The following SWAP70 variants were observed in gnomAD, a reference collection of about 807,000 sequenced individuals.
The protein encoded by SWAP70 is switching B cell complex subunit SWAP70, also known as switch-associated protein 70.
A neutral mutation model predicts 80.2 loss-of-function variants in SWAP70; 34 were observed. That is an observed-to-expected ratio of 0.42 (90% CI 0.32 to 0.56). SWAP70 has a LOEUF of 0.56. Among genes scored for constraint, SWAP70 ranks in the 20% least tolerant of loss-of-function variants. The probability of loss-of-function intolerance (pLI) is 0.09; values close to 1 mark genes in which losing one functional copy is unlikely to be tolerated. For missense variants in SWAP70, 578 were observed against 690.7 expected (o/e 0.84, Z 1.83); for synonymous variants, 239 against 238.5 (o/e 1.00, Z -0.02).
chr11:9,702,859 T>C (rs1850850764), intron 2 of SWAP70, among the ~76,000 whole-genome samples: 1 of 152,222 alleles, frequency 6.6e-6, no homozygotes, highest in Admixed American at 6.5e-5. Flanking sequence ...GACTTTATAC[T>C]GATGAATACT....
At chr11:9,701,509 G>A (rs764408720) in intron 2 of SWAP70, among the ~76,000 whole-genome samples, 1 of 151,482 alleles carries the variant, frequency 6.6e-6, no homozygotes, top group African/African-American at 2.4e-5. Context: ...TTGGCTGGGC[G>A]TGTTAGGTTA....
intron 9 of SWAP70, chr11:9,740,587 A>C: frequency 1.9e-6 from 1 of 518,732 alleles, no homozygotes; most frequent in South Asian, 2.0e-5. Context: ...ATTTTAGAGC[A>C]GTCTGGTAGG....
chr11:9,740,402 G>A, intron 9 of SWAP70, 55 bp downstream of exon 9: 2 of 1,566,568 alleles, frequency 1.3e-6, no homozygotes, highest in Non-Finnish European at 8.8e-7. Flanking sequence ...GGCTAATACA[G>A]TTTCTTGGAA....
intron 3 of SWAP70, among the ~76,000 whole-genome samples, chr11:9,714,807 ATTTTTTT>A (rs71034737): frequency 0.071 from 9,023 of 127,712 alleles, 462 homozygotes; most frequent in East Asian, 0.18. Context: ...CCAAAAGGGG[ATTTTTTT>A]TTTTTTTTTT....
rs191860870 is a variant in SWAP70, at chr11:9,707,904, A to G, written c.241-5562A>G. Reference sequence around the variant, plus strand: ...AAAAAAAATTTTTTTAAACTTTAATAGTTTTGGGGGAACAGGTGGTTTTTT... The same window carrying G: ...AAAAAAAATTTTTTTAAACTTTAATGGTTTTGGGGGAACAGGTGGTTTTTT... On this transcript the variant is annotated intron_variant, in intron 2 of 11. Transcript: ENST00000318950. Among the ~76,000 whole-genome samples the G allele has an allele frequency of 1.2e-4, 18 of 152,246 alleles. No individual in the cohort carries two copies. The East Asian group carries it at 3.5e-3, about 29-fold the overall frequency.
At chr11:9,712,027 T>A (rs965618882) in intron 2 of SWAP70, among the ~76,000 whole-genome samples, 1 of 152,162 alleles carries the variant, frequency 6.6e-6, no homozygotes, top group Non-Finnish European at 1.5e-5. Flanking sequence ...ATTCTTGATC[T>A]GTTTGACTCT....
chr11:9,743,802 A>G lies in SWAP70; in HGVS notation c.1355+3455A>G, dbSNP rs534128559. 1.4e-4 allele frequency among the ~76,000 whole-genome samples: 21 copies of G among 152,256 alleles called. No individual in the cohort carries two copies. The South Asian group carries it at 1.7e-3, about 12-fold the overall frequency. On this transcript the variant is annotated intron_variant, in intron 9 of 11. Coordinates refer to ENST00000318950, the MANE Select transcript of SWAP70 (RefSeq NM_015055.4). ...CACTCCTTTCTTAAAGCAACAGCCG[A>G]TCATTCGTGGAATATTTGGAATCTC...
In SWAP70 at chr11:9,729,324, A is replaced by G. The variant is rs767484746; in HGVS notation, c.790-19A>G. The G allele has an allele frequency of 6.5e-7, 1 of 1,527,610 alleles. No homozygotes were observed. 94.6% of individuals were successfully genotyped at this position (1,527,610 alleles called of 1,614,324 possible). Reference sequence around the variant, plus strand: ...AAATACTTAAAATTTTGAGGAACTAATTTTGCTTTCTGTTTTAGTCCTTGC... The same window carrying G: ...AAATACTTAAAATTTTGAGGAACTAGTTTTGCTTTCTGTTTTAGTCCTTGC... On this transcript the variant is annotated intron_variant, in intron 5 of 11. Coordinates refer to ENST00000318950, the MANE Select transcript of SWAP70 (RefSeq NM_015055.4).
chr11:9,701,990 G>A (rs1030545513), intron 2 of SWAP70, among the ~76,000 whole-genome samples: 71 of 152,164 alleles, frequency 4.7e-4, no homozygotes, highest in Admixed American at 3.0e-3. Flanking sequence ...TTCCAATTGG[G>A]GAATCTGGTG....
intron 1 of SWAP70, among the ~76,000 whole-genome samples, chr11:9,679,603 C>T (rs1290658675): frequency 2.0e-5 from 3 of 152,174 alleles, no homozygotes; most frequent in Non-Finnish European, 4.4e-5. Context: ...CATTGGAATT[C>T]TGAGGTCCTT....
chr11:9,681,175 A>G (rs1850563658), intron 1 of SWAP70: 1 of 152,264 alleles, frequency 6.6e-6, no homozygotes, highest in Admixed American at 6.5e-5. Flanking sequence ...TCTTGAGAGA[A>G]TGGGGCAGAT....
At chr11:9,676,655 T>G (rs898488034) in intron 1 of SWAP70, among the ~76,000 whole-genome samples, 1 of 150,728 alleles carries the variant, frequency 6.6e-6, no homozygotes, top group East Asian at 1.9e-4. Flanking sequence ...GCAGTTTTTT[T>G]TTTTTTTTTT....
intron 1 of SWAP70, among the ~76,000 whole-genome samples, chr11:9,692,346 C>T (rs1478724246): frequency 6.6e-6 from 1 of 151,658 alleles, no homozygotes. Context: ...TTGGTCTCAT[C>T]AAACTTGTCT....
chr11:9,682,775 C>G (rs1204381528), intron 1 of SWAP70, among the ~76,000 whole-genome samples: 2 of 152,136 alleles, frequency 1.3e-5, no homozygotes, highest in Non-Finnish European at 2.9e-5. Context: ...CTCCCGGGTT[C>G]AAGTGATTCT....
chr11:9,687,885 G>A (rs1412803959), intron 1 of SWAP70, among the ~76,000 whole-genome samples: 1 of 152,138 alleles, frequency 6.6e-6, no homozygotes, highest in Non-Finnish European at 1.5e-5. Context: ...TGCTGAATAG[G>A]AGTTCATGGG....
chr11:9,700,761 A>T (rs1850820891), intron 2 of SWAP70, among the ~76,000 whole-genome samples: 2 of 152,120 alleles, frequency 1.3e-5, no homozygotes, highest in African/African-American at 4.8e-5. Context: ...ACATGGGGGA[A>T]ATATTGGTCG....
At chr11:9,749,533 A>G (rs1026701470) in intron 11 of SWAP70, among the ~76,000 whole-genome samples, 1 of 152,218 alleles carries the variant, frequency 6.6e-6, no homozygotes, top group Non-Finnish European at 1.5e-5. Context: ...GGCGTGAGCC[A>G]CCACGCCCTG....
intron 1 of SWAP70, among the ~76,000 whole-genome samples, chr11:9,689,515 A>G (rs184183866): frequency 3.3e-5 from 5 of 152,386 alleles, no homozygotes; most frequent in African/African-American, 1.2e-4. Flanking sequence ...CTTAGCAATT[A>G]TGTGGGTGCT....
At chr11:9,732,267 G>C (rs1199308736) in intron 6 of SWAP70, among the ~76,000 whole-genome samples, 1 of 152,128 alleles carries the variant, frequency 6.6e-6, no homozygotes, top group Admixed American at 6.5e-5. Flanking sequence ...AGCGAGAAAG[G>C]ACTTTATAGA....
Sources: gnomAD v4.1 joint callset for allele counts (sites outside exome capture counted in the v4.1 genomes callset) on GRCh38, gnomAD v4.1.1 for gene constraint, MANE v1.5 for transcripts, NCBI Gene and HGNC (gene_info 2026-07-23, HGNC 2026-07-21) for gene names.